The following ZFAT variants were observed in gnomAD, a reference collection of about 807,000 sequenced individuals.
ZFAT encodes zinc finger and AT-hook domain containing, also known as zinc finger protein ZFAT.
ZFAT carries 64 observed loss-of-function variants against 117.7 expected under a neutral mutation model. That is an observed-to-expected ratio of 0.54 (90% CI 0.44 to 0.67). ZFAT has a LOEUF of 0.67. Among genes scored for constraint, ZFAT ranks in the 30% least tolerant of loss-of-function variants. The pLI is 0.00. For synonymous variants in ZFAT, 679 were observed against 615.0 expected (o/e 1.10, Z -1.54); for missense variants, 1,433 against 1,584.5 (o/e 0.90, Z 1.62).
the ZFAT span, among the ~76,000 whole-genome samples, chr8:134,759,097 A>C: frequency 6.6e-6 from 1 of 152,206 alleles, no homozygotes; most frequent in Non-Finnish European, 1.5e-5. Flanking sequence ...GAAAGGTATA[A>C]ATTTTGAATG....
chr8:134,823,547 G>C, the ZFAT span, among the ~76,000 whole-genome samples: 1 of 152,178 alleles, frequency 6.6e-6, no homozygotes, highest in South Asian at 2.1e-4. Context: ...GAATGGTTAA[G>C]TAACTTGCCT....
chr8:134,831,500 C>CCT, the ZFAT span, among the ~76,000 whole-genome samples: 1 of 152,220 alleles, frequency 6.6e-6, no homozygotes, highest in Non-Finnish European at 1.5e-5. Context: ...GTGCTCCCGG[C>CCT]CTCTCTCACT....
chr8:134,558,824 C>T (rs932801544), intron 11 of ZFAT, among the ~76,000 whole-genome samples: 3 of 152,208 alleles, frequency 2.0e-5, no homozygotes, highest in Non-Finnish European at 4.4e-5. Context: ...AGAAGACAAA[C>T]ATCACTATCA....
At chr8:134,578,043 GA>G (rs58029860) in intron 10 of ZFAT, among the ~76,000 whole-genome samples, 34,446 of 151,850 alleles carry the variant, frequency 0.23, 4,499 homozygotes, top group East Asian at 0.52. Flanking sequence ...CAGACAGGGG[GA>G]AAGAACACTC....
chr8:134,642,459 T>C (rs17699359), intron 2 of ZFAT, among the ~76,000 whole-genome samples: 75,377 of 152,076 alleles, frequency 0.5, 19,490 homozygotes, highest in African/African-American at 0.65. Flanking sequence ...CAGGAGATGA[T>C]TGATAAATGG....
intron 15 of ZFAT, among the ~76,000 whole-genome samples, chr8:134,489,317 GTCTA>G (rs1817885824): frequency 6.6e-6 from 1 of 151,972 alleles, no homozygotes; most frequent in South Asian, 2.1e-4. Context: ...AGCCTCTATG[GTCTA>G]TCTGAGCCCT....
At chr8:134,482,931 C>T (rs1448566044) in intron 15 of ZFAT, among the ~76,000 whole-genome samples, 1 of 152,208 alleles carries the variant, frequency 6.6e-6, no homozygotes, top group African/African-American at 2.4e-5. Context: ...ACACTCTCCC[C>T]AGTGTTCACA....
chr8:134,690,437 A>G (rs1833535339), intron 1 of ZFAT, among the ~76,000 whole-genome samples: 1 of 152,220 alleles, frequency 6.6e-6, no homozygotes. Flanking sequence ...ATAAAATAAC[A>G]GGCTGGGCAG....
At chr8:134,515,260 A>C (rs1820171055) in intron 13 of ZFAT, among the ~76,000 whole-genome samples, 1 of 152,230 alleles carries the variant, frequency 6.6e-6, no homozygotes, top group Non-Finnish European at 1.5e-5. Context: ...TAGTGCTGCA[A>C]TAAACATACG....
At chr8:134,549,534 A>G (rs1409043825) in intron 11 of ZFAT, among the ~76,000 whole-genome samples, 1 of 152,190 alleles carries the variant, frequency 6.6e-6, no homozygotes, top group East Asian at 1.9e-4. Context: ...GCAGAGCTGC[A>G]TGAATGCTCC....
At chr8:134,806,782 TA>T in the ZFAT span, among the ~76,000 whole-genome samples, 2 of 152,214 alleles carry the variant, frequency 1.3e-5, no homozygotes, top group Non-Finnish European at 2.9e-5. Flanking sequence ...ACATGAAAAT[TA>T]AATGTACAGA....
chr8:134,638,713 G>C (rs1413703006), intron 2 of ZFAT, among the ~76,000 whole-genome samples: 2 of 151,276 alleles, frequency 1.3e-5, no homozygotes, highest in East Asian at 3.9e-4. Flanking sequence ...GGGCAACAGA[G>C]CGAGACTCCA....
In ZFAT at chr8:134,532,848, A is replaced by G; in HGVS notation, c.3101T>C (p.Val1034Ala). Residue 1034 changes from valine to alanine, a missense_variant, in exon 12 of 16, where the codon GTG (valine) becomes GCG (alanine). This residue lies in a region of ZFAT where 503 missense variants were observed against 543.4 expected (regional missense o/e 0.93). Coordinates refer to ENST00000377838, the MANE Select transcript of ZFAT (RefSeq NM_020863.4). Reference protein sequence around the residue: ...NVGTGELAAEVLIQQGGLKCP... With the variant: ...NVGTGELAAEALIQQGGLKCP... ...CCCTCGCCTACCTTGCTGGATGAGC[A>G]CCTCCGCTGCCAGCTCCCCGGTGCC... 2 of 1,609,866 alleles carry G rather than the reference A, an allele frequency of 1.2e-6. No homozygotes were observed. The highest frequency in any genetic ancestry group is 1.7e-6 in the Non-Finnish European group (2 of 1,178,318).
At chr8:134,572,966 T>C (rs1365201522) in intron 10 of ZFAT, among the ~76,000 whole-genome samples, 2 of 152,066 alleles carry the variant, frequency 1.3e-5, no homozygotes, top group African/African-American at 4.8e-5. Flanking sequence ...ACAAGCACAA[T>C]GTGAAAAGGA....
At chr8:134,518,438 A>T (rs1036521055) in intron 13 of ZFAT, among the ~76,000 whole-genome samples, 13 of 152,206 alleles carry the variant, frequency 8.5e-5, no homozygotes, top group Non-Finnish European at 1.6e-4. Context: ...AGCAGAGATA[A>T]TGTCAAACTT....
chr8:134,525,113 C>T (rs1050846087), intron 12 of ZFAT, among the ~76,000 whole-genome samples: 3 of 152,296 alleles, frequency 2.0e-5, no homozygotes, highest in South Asian at 2.1e-4. Flanking sequence ...CATTATATGG[C>T]GATGCTGACC....
chr8:134,743,186 C>T, the ZFAT span, among the ~76,000 whole-genome samples: 1 of 152,158 alleles, frequency 6.6e-6, no homozygotes, highest in African/African-American at 2.4e-5. Context: ...TGGCAAAGGC[C>T]AATCTAAATT....
At chr8:134,723,006 G>A in the ZFAT span, 1 of 152,244 alleles carries the variant, frequency 6.6e-6, no homozygotes, top group Non-Finnish European at 1.5e-5. Context: ...TTCTACAAGA[G>A]AGGCCTCAGA....
the ZFAT span, among the ~76,000 whole-genome samples, chr8:134,782,351 T>C: frequency 1.3e-5 from 2 of 152,212 alleles, no homozygotes; most frequent in African/African-American, 4.8e-5. Flanking sequence ...AATTTCAAGT[T>C]TCCACCATTC....
Sources: gnomAD v4.1 joint callset for allele counts (sites outside exome capture counted in the v4.1 genomes callset) on GRCh38, gnomAD v4.1.1 for gene constraint, gnomAD v4.1.1 regional missense constraint, MANE v1.5 for transcripts, NCBI Gene and HGNC (gene_info 2026-07-23, HGNC 2026-07-21) for gene names.